DMD: variants seen among roughly 807,000 people sequenced by gnomAD.
DMD encodes the protein mutant dystrophin.
In DMD, 63 loss-of-function variants were observed where a neutral mutation model predicts 330.1. The ratio of observed to expected loss-of-function variants is 0.19; its 90% CI spans 0.16 to 0.24. The LOEUF (loss-of-function observed/expected upper bound fraction) is 0.24, where lower values mean the gene tolerates loss of function less well. DMD is among the 10% of genes least tolerant of loss of function. The pLI is 1.00. For missense variants in DMD, 3,344 were observed against 2,684.1 expected (o/e 1.25, Z -5.43); for synonymous variants, 1,223 against 959.8 (o/e 1.27, Z -5.07).
chrX:32,781,536 T>C (rs2074762057), intron 7 of DMD, among the ~76,000 whole-genome samples: 1 of 111,060 alleles, frequency 9.0e-6, no homozygotes, highest in Admixed American at 9.7e-5. Context: ...CCGGGAACAC[T>C]GTAGATTCTA....
intron 60 of DMD, among the ~76,000 whole-genome samples, chrX:31,443,152 T>C (rs1232807337): frequency 9.0e-6 from 1 of 111,427 alleles, no homozygotes; most frequent in African/African-American, 3.3e-5. Flanking sequence ...AAGGAGAAAA[T>C]TGGAAAGGAG....
chrX:32,963,941 G>A (rs1027347351), intron 2 of DMD, among the ~76,000 whole-genome samples: 1 of 111,312 alleles, frequency 9.0e-6, no homozygotes, highest in Non-Finnish European at 1.9e-5. Flanking sequence ...CAAACAACTG[G>A]ATGATAATAA....
intron 60 of DMD, among the ~76,000 whole-genome samples, chrX:31,374,615 T>A (rs1329040007): frequency 1.1e-5 from 1 of 87,034 alleles, no homozygotes; most frequent in Admixed American, 1.5e-4. Context: ...AGGTGGGAAT[T>A]GAACAATGAG....
At chrX:32,615,320 T>A (rs73463782) in intron 11 of DMD, among the ~76,000 whole-genome samples, 1,248 of 111,436 alleles carry the variant, frequency 0.011, 31 homozygotes, top group African/African-American at 0.039. Context: ...TCCAAAGGCC[T>A]AGGTTCACAG....
intron 2 of DMD, among the ~76,000 whole-genome samples, chrX:32,975,541 A>T (rs892609705): frequency 9.1e-6 from 1 of 109,601 alleles, no homozygotes; most frequent in African/African-American, 3.3e-5. Flanking sequence ...CAAGGTGTCA[A>T]GCAAGAACAA....
At chrX:32,414,403 G>T (rs1448559782) in intron 29 of DMD, among the ~76,000 whole-genome samples, 1 of 111,896 alleles carries the variant, frequency 8.9e-6, no homozygotes, top group African/African-American at 3.2e-5. Context: ...TATGTTACGG[G>T]ATGGCTAAAT....
At chrX:31,741,874 G>A (rs1030481295) in intron 51 of DMD, among the ~76,000 whole-genome samples, 2 of 111,630 alleles carry the variant, frequency 1.8e-5, no homozygotes, top group African/African-American at 3.3e-5. Context: ...AGGCTGTTTC[G>A]TCTATATTGA....
At chrX:31,454,951 C>CTTTTTTTT (rs61091457) in intron 59 of DMD, among the ~76,000 whole-genome samples, 3 of 80,160 alleles carry the variant, frequency 3.7e-5, no homozygotes, top group African/African-American at 5.0e-5. Flanking sequence ...TTTTCTTTTT[C>CTTTTTTTT]TTTTTTTTTT....
intron 16 of DMD, among the ~76,000 whole-genome samples, chrX:32,558,069 T>G (rs2149044588): frequency 9.0e-6 from 1 of 110,672 alleles, no homozygotes; most frequent in Non-Finnish European, 1.9e-5. Flanking sequence ...CATAAGTCAT[T>G]TGTTTCTTCG....
At chrX:32,074,643 C>T (rs2096328199) in intron 44 of DMD, among the ~76,000 whole-genome samples, 1 of 112,046 alleles carries the variant, frequency 8.9e-6, no homozygotes, top group Admixed American at 9.5e-5. Context: ...TGTCTGCTTT[C>T]ATACTACAAC....
At chrX:33,124,917 G>A (rs1438472785) in intron 1 of DMD, among the ~76,000 whole-genome samples, 1 of 106,497 alleles carries the variant, frequency 9.4e-6, no homozygotes, top group African/African-American at 3.4e-5. Flanking sequence ...CCAGCTACTC[G>A]GGAGGCTGAG....
At chrX:32,423,249 C>T (rs1280770187) in intron 29 of DMD, among the ~76,000 whole-genome samples, 3 of 99,666 alleles carry the variant, frequency 3.0e-5, no homozygotes, top group Non-Finnish European at 6.0e-5. Flanking sequence ...TTTTGGTAGG[C>T]CCTTGTAGAA....
At chrX:31,194,198 G>A (rs2042664965) in intron 67 of DMD, among the ~76,000 whole-genome samples, 2 of 110,986 alleles carry the variant, frequency 1.8e-5, no homozygotes, top group South Asian at 7.7e-4. Context: ...AAAAGTCAAT[G>A]TCATGAAAGG....
intron 60 of DMD, among the ~76,000 whole-genome samples, chrX:31,379,062 A>G (rs2060026295): frequency 9.1e-6 from 1 of 109,374 alleles, no homozygotes; most frequent in Non-Finnish European, 1.9e-5. Context: ...TCTGTTCCCA[A>G]TGCAACTCCT....
chrX:31,722,113 A>ATTAT (rs201658216), intron 52 of DMD, among the ~76,000 whole-genome samples: 24,895 of 106,759 alleles, frequency 0.23, 3,381 homozygotes, highest in African/African-American at 0.45. Context: ...TTTCTTTTTT[A>ATTAT]TTATTTATTT....
At chrX:32,096,581 C>A (rs2096508159) in intron 44 of DMD, among the ~76,000 whole-genome samples, 1 of 109,060 alleles carries the variant, frequency 9.2e-6, no homozygotes, top group Admixed American at 9.9e-5. Context: ...AAAAAAAGTC[C>A]ATTTCTAATA....
chrX:32,468,721 A>G lies in DMD; in HGVS notation c.2950-11T>C, dbSNP rs1569564031. 3.4e-6 allele frequency: 4 copies of G among 1,173,937 alleles called. No individual in the cohort carries two copies. The highest frequency in any genetic ancestry group is 3.0e-5 in the East Asian group (1 of 33,469). Reference sequence around the variant, plus strand: ...AGAACTTTGTAAAGCCTAAAAAACAATTTTTTAAATACATTTACCCTAATT... The same window carrying G: ...AGAACTTTGTAAAGCCTAAAAAACAGTTTTTTAAATACATTTACCCTAATT... On this transcript the variant is annotated splice_polypyrimidine_tract_variant and intron_variant, in intron 22 of 78. Coordinates refer to ENST00000357033, the MANE Select transcript of DMD (RefSeq NM_004006.3).
At chrX:32,330,641 C>CT (rs985248042) in intron 41 of DMD, among the ~76,000 whole-genome samples, 27 of 110,924 alleles carry the variant, frequency 2.4e-4, no homozygotes, top group Non-Finnish European at 4.5e-4. Flanking sequence ...AATTCTTGTT[C>CT]TTTTTTTTCT....
chrX:33,242,083 GC>G (rs1411262616), intron 1 of DMD, among the ~76,000 whole-genome samples: 5 of 111,838 alleles, frequency 4.5e-5, no homozygotes, highest in East Asian at 5.6e-4. Flanking sequence ...ATTTTTTGTA[GC>G]TATTGTAAAT....
Sources: gnomAD v4.1 joint callset for allele counts (sites outside exome capture counted in the v4.1 genomes callset) on GRCh38, gnomAD v4.1.1 for gene constraint, MANE v1.5 for transcripts, NCBI Gene and HGNC (gene_info 2026-07-23, HGNC 2026-07-21) for gene names.